TENM2: variants seen among roughly 807,000 people sequenced by gnomAD.
TENM2 encodes teneurin-2.
A neutral mutation model predicts 245.2 loss-of-function variants in TENM2; 52 were observed. The ratio of observed to expected loss-of-function variants is 0.21; its 90% CI spans 0.17 to 0.27. The LOEUF (loss-of-function observed/expected upper bound fraction) is 0.27. Ranked by LOEUF, TENM2 falls within the 10% of genes least tolerant of loss-of-function variation. The probability of loss-of-function intolerance (pLI) is 1.00; values close to 1 mark genes in which losing one functional copy is unlikely to be tolerated. For missense variants in TENM2, 3,046 were observed against 3,666.8 expected (o/e 0.83, Z 4.37); for synonymous variants, 1,363 against 1,438.9 (o/e 0.95, Z 1.19).
the TENM2 span, among the ~76,000 whole-genome samples, chr5:167,217,828 G>A: frequency 6.6e-6 from 1 of 151,174 alleles, no homozygotes. Context: ...GCCAGCCTTG[G>A]AAGTCCATAG....
At chr5:167,214,720 G>A in the TENM2 span, among the ~76,000 whole-genome samples, 2 of 152,122 alleles carry the variant, frequency 1.3e-5, no homozygotes, top group Non-Finnish European at 2.9e-5. Context: ...AATACATATG[G>A]TGTCACTTGG....
At chr5:167,526,836 CCTG>C (rs1370862667) in intron 2 of TENM2, among the ~76,000 whole-genome samples, 3 of 152,026 alleles carry the variant, frequency 2.0e-5, no homozygotes, top group African/African-American at 7.2e-5. Context: ...TCTGTGGAAA[CCTG>C]CTCCTGAGAT....
intron 3 of TENM2, among the ~76,000 whole-genome samples, chr5:167,884,457 A>G (rs1332843693): frequency 6.6e-6 from 1 of 152,114 alleles, no homozygotes; most frequent in East Asian, 1.9e-4. Flanking sequence ...GTCTCTATGA[A>G]TTTGTGTCTA....
At chr5:167,156,183 C>T in the TENM2 span, among the ~76,000 whole-genome samples, 1 of 152,154 alleles carries the variant, frequency 6.6e-6, no homozygotes. Context: ...CCTGAGAATT[C>T]TCAAGTAAAA....
At chr5:167,198,750 C>T in the TENM2 span, among the ~76,000 whole-genome samples, 4 of 152,026 alleles carry the variant, frequency 2.6e-5, no homozygotes, top group African/African-American at 9.7e-5. Context: ...AGTCTTGTGG[C>T]ACACACAGTT....
intron 2 of TENM2, among the ~76,000 whole-genome samples, chr5:167,868,905 T>C (rs1416919876): frequency 6.6e-6 from 1 of 152,176 alleles, no homozygotes; most frequent in Non-Finnish European, 1.5e-5. Flanking sequence ...ATTATTTCCA[T>C]CTGGGTCCCT....
At chr5:167,204,991 A>G in the TENM2 span, among the ~76,000 whole-genome samples, 1 of 152,210 alleles carries the variant, frequency 6.6e-6, no homozygotes, top group Non-Finnish European at 1.5e-5. Flanking sequence ...AGAAATAGAA[A>G]CAGTAATATA....
At chr5:167,836,514 A>C (rs1583145046) in intron 2 of TENM2, among the ~76,000 whole-genome samples, 1 of 152,200 alleles carries the variant, frequency 6.6e-6, no homozygotes, top group East Asian at 1.9e-4. Flanking sequence ...TTTCTGTATC[A>C]AGTTTGCTCA....
At chr5:167,322,361 G>A (rs944696000) in intron 1 of TENM2, among the ~76,000 whole-genome samples, 12 of 152,072 alleles carry the variant, frequency 7.9e-5, no homozygotes, top group Non-Finnish European at 1.3e-4. Flanking sequence ...CACCCATACC[G>A]TGGAGAGAGA....
At chr5:167,527,244 T>C (rs927495345) in intron 2 of TENM2, among the ~76,000 whole-genome samples, 1 of 152,118 alleles carries the variant, frequency 6.6e-6, no homozygotes, top group African/African-American at 2.4e-5. Flanking sequence ...TAGGCCCTCA[T>C]GCACAGGCAA....
rs114131318 is a variant in TENM2, at chr5:167,368,527, G to T, written c.227-6671G>T. Among the ~76,000 whole-genome samples, 1,298 of 152,056 alleles carry T rather than the reference G, an allele frequency of 8.5e-3. 24 individuals are homozygous for T. Among genetic ancestry groups the T allele is most frequent in the African/African-American group, 0.03 (1,258 of 41,472 alleles). ...TCAAGTTGAGATTTTCTTGGTACGC[G>T]ATATGACCAATGATTTTTTTACTAT... On this transcript the variant is annotated intron_variant, in intron 1 of 28. Coordinates refer to ENST00000518659, the Ensembl canonical transcript of TENM2.
intron 2 of TENM2, among the ~76,000 whole-genome samples, chr5:167,557,686 G>T (rs1773341037): frequency 6.6e-6 from 1 of 152,140 alleles, no homozygotes; most frequent in South Asian, 2.1e-4. Context: ...GGGTGATTCT[G>T]CCCTCCAGGG....
chr5:168,042,156 C>T (rs1173622053), intron 5 of TENM2, among the ~76,000 whole-genome samples: 2 of 152,116 alleles, frequency 1.3e-5, no homozygotes, highest in African/African-American at 4.8e-5. Context: ...CTCTAAGGCC[C>T]TTGTGTATCT....
At chr5:168,227,515 T>C (rs1454183784) in intron 24 of TENM2, among the ~76,000 whole-genome samples, 1 of 149,896 alleles carries the variant, frequency 6.7e-6, no homozygotes, top group Non-Finnish European at 1.5e-5. Flanking sequence ...CATTTGCCTT[T>C]CTTTTTTTTT....
At chr5:167,284,888 C>G in exon 1 of TENM2, 1 of 1,551,744 alleles carries the variant, frequency 6.4e-7, no homozygotes. Context: ...GACGCTGTGG[C>G]AAAGAGTGTC....
chr5:168,027,122 C>T (rs188559739), intron 5 of TENM2, among the ~76,000 whole-genome samples: 7 of 151,568 alleles, frequency 4.6e-5, no homozygotes, highest in Non-Finnish European at 1.0e-4. Flanking sequence ...CACACACGTG[C>T]ATGTGAAATG....
At chr5:167,303,631 C>T (rs754692817) in intron 1 of TENM2, among the ~76,000 whole-genome samples, 1 of 152,148 alleles carries the variant, frequency 6.6e-6, no homozygotes, top group African/African-American at 2.4e-5. Context: ...TGTGTACCTG[C>T]AGGTCACAGG....
chr5:167,442,155 T>A (rs1295927804), intron 2 of TENM2, among the ~76,000 whole-genome samples: 1 of 152,194 alleles, frequency 6.6e-6, no homozygotes, highest in Non-Finnish European at 1.5e-5. Context: ...GAAATTATTT[T>A]AATAAATTTT....
intron 2 of TENM2, among the ~76,000 whole-genome samples, chr5:167,828,657 GA>G (rs1258632173): frequency 7.9e-5 from 12 of 151,888 alleles, no homozygotes; most frequent in Admixed American, 3.3e-4. Flanking sequence ...ACAGATAGAC[GA>G]AAAAATATAT....
Sources: gnomAD v4.1 joint callset for allele counts (sites outside exome capture counted in the v4.1 genomes callset) on GRCh38, gnomAD v4.1.1 for gene constraint, MANE v1.5 for transcripts, NCBI Gene and HGNC (gene_info 2026-07-23, HGNC 2026-07-21) for gene names.